Variants in MYCBPAP observed in about 807,000 individuals in gnomAD.
MYCBPAP encodes the protein MYCBP-associated protein.
MYCBPAP carries 60 observed loss-of-function variants against 106.1 expected under a neutral mutation model. That is an observed-to-expected ratio of 0.57 (90% CI 0.46 to 0.70). MYCBPAP has a LOEUF of 0.70. Ranked by LOEUF, MYCBPAP falls within the 30% of genes least tolerant of loss-of-function variation. The pLI is 0.00. For missense variants in MYCBPAP, 1,064 were observed against 1,169.3 expected (o/e 0.91, Z 1.31); for synonymous variants, 407 against 440.6 (o/e 0.92, Z 0.95).
intron 9 of MYCBPAP, 125 bp downstream of exon 9, chr17:50,521,556 C>A: frequency 1.4e-6 from 1 of 720,286 alleles, no homozygotes; most frequent in Non-Finnish European, 2.4e-6. Context: ...CAGTGGTTGC[C>A]ACCCACTCCT....
chr17:50,515,403 A>G (rs529447617), intron 1 of MYCBPAP, among the ~76,000 whole-genome samples: 63 of 116,058 alleles, frequency 5.4e-4, no homozygotes, highest in African/African-American at 3.0e-3. Context: ...AATCTTTATT[A>G]AATGAATATG....
chr17:50,524,293 T>G (rs924892337), intron 12 of MYCBPAP, among the ~76,000 whole-genome samples: 3 of 152,228 alleles, frequency 2.0e-5, no homozygotes, highest in Non-Finnish European at 4.4e-5. Context: ...GTGTGGCCAT[T>G]TGAGCCGTGC....
In MYCBPAP at chr17:50,526,006, G is replaced by T; in HGVS notation, c.1908G>T (p.Glu636Asp). Residue 636 changes from glutamate to aspartate, a missense_variant, in exon 14 of 19, where the codon GAG (glutamate) becomes GAT (aspartate). Transcript: ENST00000323776. The part of the protein sequence containing the change: ...DKEHVSPIAT[E>D]KASVNAELLP... ...AGCACGTCAGCCCCATAGCCACAGA[G>T]AAGGCCTCTGTGAATGCTGAGCTGT... 1.2e-6 allele frequency: 2 copies of T among 1,613,986 alleles called. No homozygotes were observed. Among genetic ancestry groups the T allele is most frequent in the Non-Finnish European group, 1.7e-6 (2 of 1,180,032 alleles).
At chr17:50,525,818 T>A (rs2034438377) in intron 13 of MYCBPAP, 63 bp from the exon 14 acceptor site, 1 of 1,510,348 alleles carries the variant, frequency 6.6e-7, no homozygotes, top group Non-Finnish European at 8.8e-7. Context: ...CTTATTTACA[T>A]TGAAGAAACT....
intron 1 of MYCBPAP, among the ~76,000 whole-genome samples, chr17:50,514,158 G>A (rs1392891164): frequency 2.0e-5 from 3 of 152,108 alleles, no homozygotes; most frequent in African/African-American, 7.2e-5. Flanking sequence ...CAAAGTGTTG[G>A]GATTACAAGC....
At chr17:50,522,709 A>AAAAAAAAAAAAAAAAAAAAAAATATATAT in intron 10 of MYCBPAP, 2 of 50,038 alleles carry the variant, frequency 4.0e-5, no homozygotes, top group Admixed American at 2.0e-4. Context: ...AAAAAAAAAA[A>AAAAAAAAAAAAAAAAAAAAAAATATATAT]ATATATATAT....
chr17:50,525,091 C>T (rs773604942), intron 13 of MYCBPAP, 68 bp downstream of exon 13: 16 of 1,546,676 alleles, frequency 1.0e-5, no homozygotes, highest in Middle Eastern at 1.9e-4. Context: ...ACCCGCAGGC[C>T]GCACAGCGGC....
At chr17:50,514,899 C>T (rs1306215975) in intron 1 of MYCBPAP, 9 of 453,898 alleles carry the variant, frequency 2.0e-5, no homozygotes, top group South Asian at 1.4e-4. Flanking sequence ...CCTTGGCCTC[C>T]CAAGATCTTG....
rs559032758 is a variant in MYCBPAP at position 50,517,834 on chromosome 17, C to T, written c.468+136C>T. 57 of 702,226 alleles carry T rather than the reference C, an allele frequency of 8.1e-5. No homozygotes were observed. In the African/African-American group the frequency reaches 9.2e-4, roughly 11 times the overall value. 43.5% of individuals were successfully genotyped at this position (702,226 alleles called of 1,614,324 possible). On this transcript the variant is annotated intron_variant, in intron 4 of 18. Coordinates refer to ENST00000323776, the MANE Select transcript of MYCBPAP (RefSeq NM_032133.6). The stretch of plus-strand genomic sequence containing the variant: ...TTTTGAGTCTGAGTTGATAAGGGAC[C>T]CTCTCCCAGAATAGTTGGACACTTC...
rs199508727 is a variant in MYCBPAP at position 50,517,720 on chromosome 17, C to T, written c.468+22C>T. On this transcript the variant is annotated intron_variant, in intron 4 of 18. Transcript: ENST00000323776. The stretch of plus-strand genomic sequence containing the variant: ...CCAGGTTTGTTTGCACAGAACTACC[C>T]GGATGAGAGCAGTCACTGAAGTCAT... The T allele has an allele frequency of 1.1e-4, 173 of 1,598,240 alleles. 1 individual carries two copies. In the Admixed American group the frequency reaches 1.9e-3, roughly 18 times the overall value.
chr17:50,518,513 C>T (rs760667580), intron 4 of MYCBPAP, 28 bp from the exon 5 acceptor site: 3 of 1,526,750 alleles, frequency 2.0e-6, no homozygotes, highest in African/African-American at 1.4e-5. Flanking sequence ...TCTTACTGCC[C>T]TCCACATACC....
chr17:50,527,471 G>GGGCA, intron 15 of MYCBPAP, 63 bp downstream of exon 15: 2 of 1,597,742 alleles, frequency 1.3e-6, no homozygotes, highest in Non-Finnish European at 1.7e-6. Context: ...CAGGGGTCCT[G>GGGCA]GGCAGGCAGT....
intron 17 of MYCBPAP, 77 bp downstream of exon 17, chr17:50,528,917 G>A (rs1597850711): frequency 6.3e-7 from 1 of 1,599,652 alleles, no homozygotes; most frequent in African/African-American, 1.3e-5. Context: ...GGCTGTGGAG[G>A]TGGGCATGTG....
chr17:50,529,781 G>A (rs1232144394), intron 18 of MYCBPAP: 5 of 456,596 alleles, frequency 1.1e-5, no homozygotes, highest in Non-Finnish European at 2.2e-5. Flanking sequence ...CCTGGCAGAT[G>A]CGTTCCTTGG....
At position 50,508,581 on chromosome 17, in the gene MYCBPAP, A is replaced by T. The variant is rs948810491; in HGVS notation, c.-94A>T. 11 of 1,553,436 alleles carry T rather than the reference A, an allele frequency of 7.1e-6. No homozygotes were observed. The highest frequency in any genetic ancestry group is 4.9e-5 in the East Asian group (2 of 41,046). ...CCGCGCGGGGCACCGGTTGCTGTGG[A>T]CGCAGTGGCGGCCGTTGGCTGGCGG... On this transcript the variant is annotated 5_prime_UTR_variant, in exon 1 of 19. Coordinates refer to ENST00000323776, the MANE Select transcript of MYCBPAP (RefSeq NM_032133.6).
At chr17:50,521,506 C>A (rs2034261565) in intron 9 of MYCBPAP, 75 bp downstream of exon 9, 1 of 1,171,120 alleles carries the variant, frequency 8.5e-7, no homozygotes, top group Non-Finnish European at 1.2e-6. Flanking sequence ...GAGCGGGCTT[C>A]CCTCCCTGAG....
At chr17:50,524,764 G>C in intron 12 of MYCBPAP, 113 bp from the exon 13 acceptor site, 7 of 948,938 alleles carry the variant, frequency 7.4e-6, no homozygotes, top group Non-Finnish European at 1.1e-5. Context: ...GAGAGACAAT[G>C]GCAGGAACTC....
In MYCBPAP at chr17:50,531,335, G is replaced by T. The variant is rs777873511; in HGVS notation, c.2733G>T (p.Gly911=). ...TTGTCCCGTTCTTCCAGGTCCGTGG[G>T]CTGCTGGACACCCTGGTGACTGACC... ...YTQSLHSEVR[G]LLDTLVTDLM... is the part of the protein sequence containing the mutation. The change falls in exon 19 of 19, where the codon GGG becomes GGT. Residue 911 remains glycine (G), a synonymous_variant. Transcript: ENST00000323776. The T allele has an allele frequency of 5.0e-6, 8 of 1,611,526 alleles. No homozygotes were observed. Among genetic ancestry groups the T allele is most frequent in the African/African-American group, 1.3e-5 (1 of 74,828 alleles).
chr17:50,512,539 T>C (rs1197651740), intron 1 of MYCBPAP, among the ~76,000 whole-genome samples: 1 of 152,240 alleles, frequency 6.6e-6, no homozygotes, highest in Non-Finnish European at 1.5e-5. Flanking sequence ...CTCTGAACAC[T>C]TCTTCAGAGC....
Sources: gnomAD v4.1 joint callset for allele counts (sites outside exome capture counted in the v4.1 genomes callset) on GRCh38, gnomAD v4.1.1 for gene constraint, MANE v1.5 for transcripts, NCBI Gene and HGNC (gene_info 2026-07-23, HGNC 2026-07-21) for gene names.